Variants in NR3C2 observed in about 807,000 individuals in gnomAD.
NR3C2 encodes nuclear receptor subfamily 3 group C member 2.
Under a neutral mutation model 86.4 loss-of-function variants are expected in NR3C2, and 15 were observed. The ratio of observed to expected loss-of-function variants is 0.17; its 90% CI spans 0.12 to 0.27. The LOEUF (loss-of-function observed/expected upper bound fraction) is 0.27. NR3C2 is among the 10% of genes least tolerant of loss of function. The pLI is 1.00. For missense variants in NR3C2, 960 were observed against 1,195.6 expected (o/e 0.80, Z 2.91); for synonymous variants, 458 against 450.5 (o/e 1.02, Z -0.21).
chr4:148,337,950 T>C (rs544354901), intron 2 of NR3C2, among the ~76,000 whole-genome samples: 2 of 152,298 alleles, frequency 1.3e-5, no homozygotes, highest in South Asian at 4.1e-4. Flanking sequence ...ACCTGCACTT[T>C]GTATCTTGAA....
intron 2 of NR3C2, among the ~76,000 whole-genome samples, chr4:148,382,043 A>C (rs1747020668): frequency 6.6e-6 from 1 of 152,196 alleles, no homozygotes; most frequent in South Asian, 2.1e-4. Flanking sequence ...AGATCAGTGT[A>C]GGCAATTAAA....
rs368078532 is a variant in NR3C2, at chr4:148,436,695, G to C, written c.166C>G (p.Pro56Ala). ...CTGCTTCCTTGAGTACTGTTGTTTG[G>C]AATAGCACCGGAAACACAGCTTACG... Reference protein sequence around the residue: ...VNVSCVSGAIPNNSTQGSSKE... With the variant: ...VNVSCVSGAIANNSTQGSSKE... Residue 56 changes from proline to alanine, a missense_variant, in exon 2 of 9, where the codon CCA becomes GCA. Coordinates refer to ENST00000358102, the MANE Select transcript of NR3C2 (RefSeq NM_000901.5). The C allele has an allele frequency of 6.2e-7, 1 of 1,614,128 alleles. No homozygotes were observed. Among genetic ancestry groups the C allele is most frequent in the African/African-American group, 1.3e-5 (1 of 75,008 alleles).
At chr4:148,340,098 G>A (rs1345613607) in intron 2 of NR3C2, among the ~76,000 whole-genome samples, 1 of 151,900 alleles carries the variant, frequency 6.6e-6, no homozygotes, top group Admixed American at 6.6e-5. Context: ...GAAATTACTG[G>A]TATCATTAAA....
chr4:148,105,580 A>G (rs1731758021), intron 8 of NR3C2, among the ~76,000 whole-genome samples: 1 of 152,232 alleles, frequency 6.6e-6, no homozygotes, highest in Admixed American at 6.5e-5. Flanking sequence ...ACAAAAAAAG[A>G]AAACTTCAGG....
intron 3 of NR3C2, among the ~76,000 whole-genome samples, chr4:148,257,966 TTTG>T (rs1412469234): frequency 6.6e-6 from 1 of 152,194 alleles, no homozygotes. Context: ...CATTTAGGTT[TTTG>T]TATGTTTATA....
intron 2 of NR3C2, among the ~76,000 whole-genome samples, chr4:148,374,655 G>A (rs1187246767): frequency 6.6e-6 from 1 of 152,086 alleles, no homozygotes; most frequent in Non-Finnish European, 1.5e-5. Context: ...TTTGTGTAAG[G>A]GAACTGAGGC....
chr4:148,386,000 C>T (rs1561077673), intron 2 of NR3C2, among the ~76,000 whole-genome samples: 4 of 152,188 alleles, frequency 2.6e-5, no homozygotes, highest in Admixed American at 2.6e-4. Flanking sequence ...CAGAGGTGCT[C>T]TCTGCTGGAG....
At chr4:148,389,002 C>T (rs1747406688) in intron 2 of NR3C2, among the ~76,000 whole-genome samples, 1 of 152,242 alleles carries the variant, frequency 6.6e-6, no homozygotes, top group African/African-American at 2.4e-5. Context: ...CCAGATTATA[C>T]CTAATTGTGC....
intron 2 of NR3C2, among the ~76,000 whole-genome samples, chr4:148,383,660 A>C (rs1747111460): frequency 6.6e-6 from 1 of 152,190 alleles, no homozygotes; most frequent in Admixed American, 6.5e-5. Context: ...GTCTGTAAAT[A>C]AGCACCTTTT....
At chr4:148,301,166 A>G (rs570223499) in intron 2 of NR3C2, among the ~76,000 whole-genome samples, 1 of 152,208 alleles carries the variant, frequency 6.6e-6, no homozygotes, top group African/African-American at 2.4e-5. Flanking sequence ...TCTTATAGCT[A>G]CTGGATCTTC....
chr4:148,253,245 A>G (rs1739661178), intron 3 of NR3C2, among the ~76,000 whole-genome samples: 1 of 152,204 alleles, frequency 6.6e-6, no homozygotes, highest in African/African-American at 2.4e-5. Context: ...TTTGCAAACC[A>G]GATTCCCTCA....
At chr4:148,220,088 A>G (rs1451521937) in intron 3 of NR3C2, among the ~76,000 whole-genome samples, 1 of 106,642 alleles carries the variant, frequency 9.4e-6, no homozygotes, top group Non-Finnish European at 2.1e-5. Context: ...ACACCCAGCT[A>G]ATTTTTTTTT....
intron 2 of NR3C2, among the ~76,000 whole-genome samples, chr4:148,434,662 T>A (rs940527216): frequency 2.0e-5 from 3 of 151,974 alleles, no homozygotes; most frequent in Non-Finnish European, 2.9e-5. Flanking sequence ...TCACAACCGA[T>A]GAAGTGATGA....
intron 3 of NR3C2, among the ~76,000 whole-genome samples, chr4:148,238,468 A>T (rs1390354524): frequency 1.3e-5 from 2 of 152,214 alleles, no homozygotes; most frequent in African/African-American, 4.8e-5. Flanking sequence ...AACAATTTAA[A>T]AATCGTAATA....
intron 8 of NR3C2, among the ~76,000 whole-genome samples, chr4:148,105,158 T>C (rs1731737919): frequency 6.6e-6 from 1 of 152,102 alleles, no homozygotes; most frequent in African/African-American, 2.4e-5. Context: ...TTATATGAAC[T>C]ATGACTCTCT....
At chr4:148,110,258 G>C (rs1244114464) in intron 8 of NR3C2, among the ~76,000 whole-genome samples, 1 of 152,044 alleles carries the variant, frequency 6.6e-6, no homozygotes, top group Non-Finnish European at 1.5e-5. Context: ...CACCCACCTT[G>C]GGACCATTAT....
chr4:148,321,875 T>C (rs1743616856), intron 2 of NR3C2, among the ~76,000 whole-genome samples: 1 of 152,242 alleles, frequency 6.6e-6, no homozygotes, highest in African/African-American at 2.4e-5. Flanking sequence ...TTAGTCCATT[T>C]ACATTTAAAG....
chr4:148,188,180 C>G lies in NR3C2; in HGVS notation c.2014+6566G>C, dbSNP rs112827256. 9.2e-5 allele frequency among the ~76,000 whole-genome samples: 14 copies of G among 152,120 alleles called. 1 individual carries two copies. Among genetic ancestry groups the G allele is most frequent in the African/African-American group, 3.4e-4 (14 of 41,520 alleles). On this transcript the variant is annotated intron_variant, in intron 4 of 8. Transcript: ENST00000358102. ...TCCAGGTTTGTTCTTTTTGCTTAGT[C>G]TTGCTTTGTCTATGTAGGCTCTTTT...
intron 4 of NR3C2, among the ~76,000 whole-genome samples, chr4:148,187,965 G>A (rs1736012783): frequency 2.0e-5 from 3 of 151,942 alleles, no homozygotes; most frequent in Admixed American, 6.6e-5. Flanking sequence ...AGCACCATTT[G>A]TTGAAATGTC....
Sources: allele counts gnomAD v4.1 joint callset (sites outside exome capture counted in the v4.1 genomes callset), GRCh38; gene constraint gnomAD v4.1.1; transcripts MANE v1.5; gene names NCBI Gene and HGNC (gene_info 2026-07-23, HGNC 2026-07-21).